Variants in SGCD observed in about 807,000 individuals in gnomAD.
The protein encoded by SGCD is delta-sarcoglycan.
A neutral mutation model predicts 36.6 loss-of-function variants in SGCD; 18 were observed. That is an observed-to-expected ratio of 0.49 (90% confidence interval 0.34 to 0.73). SGCD has a LOEUF of 0.73. Ranked by LOEUF, SGCD falls within the 30% of genes least tolerant of loss-of-function variation. The pLI is 0.01. For synonymous variants in SGCD, 133 were observed against 130.6 expected, an observed-to-expected ratio of 1.02 and a Z score of -0.12; for missense variants, 387 against 346.7, an observed-to-expected ratio of 1.12 and a Z score of -0.92.
At chr5:156,554,046 G>T (rs561518958) in intron 4 of SGCD, among the ~76,000 whole-genome samples, 1 of 152,154 alleles carries the variant, frequency 6.6e-6, no homozygotes, top group South Asian at 2.1e-4. Context: ...CTGAAAACAA[G>T]TGAGTGCAGT....
chr5:156,344,758 G>C, intron 3 of SGCD, 81 bp downstream of exon 3: 1 of 1,136,906 alleles, frequency 8.8e-7, no homozygotes, highest in East Asian at 2.5e-5. Flanking sequence ...ATGTGGAAAA[G>C]TGATATTATT....
intron 3 of SGCD, among the ~76,000 whole-genome samples, chr5:156,438,408 GAA>G (rs1245974764): frequency 1.3e-5 from 2 of 152,114 alleles, no homozygotes; most frequent in African/African-American, 2.4e-5. Flanking sequence ...GCAAGGGAGG[GAA>G]GCCAATGGGA....
chr5:156,452,012 G>C (rs1452685792), intron 3 of SGCD, among the ~76,000 whole-genome samples: 3 of 152,134 alleles, frequency 2.0e-5, no homozygotes, highest in Admixed American at 6.5e-5. Context: ...GCAGAGAGAA[G>C]CTACTTCCCT....
the SGCD span, among the ~76,000 whole-genome samples, chr5:155,849,250 T>C: frequency 6.6e-6 from 1 of 152,192 alleles, no homozygotes; most frequent in East Asian, 1.9e-4. Context: ...TCGTTCTCTC[T>C]CTTTCTCTCT....
At chr5:155,979,550 G>T (rs1032580132) in intron 1 of SGCD, among the ~76,000 whole-genome samples, 6 of 152,212 alleles carry the variant, frequency 3.9e-5, no homozygotes, top group Non-Finnish European at 8.8e-5. Context: ...GAGAGGTTGG[G>T]CTGGGATGCA....
intron 7 of SGCD, among the ~76,000 whole-genome samples, chr5:156,744,415 A>G (rs984252048): frequency 1.3e-5 from 2 of 152,150 alleles, no homozygotes; most frequent in South Asian, 2.1e-4. Context: ...GCTCCCACCA[A>G]TTTTCTTCTA....
chr5:155,728,855 G>T, the SGCD span, among the ~76,000 whole-genome samples: 1 of 152,216 alleles, frequency 6.6e-6, no homozygotes, highest in Non-Finnish European at 1.5e-5. Flanking sequence ...GGGATCGACT[G>T]CCCTCAGCTG....
intron 3 of SGCD, among the ~76,000 whole-genome samples, chr5:156,364,553 T>C (rs928596484): frequency 2.6e-5 from 4 of 152,184 alleles, no homozygotes; most frequent in African/African-American, 9.7e-5. Flanking sequence ...AAAGGAGAAA[T>C]CCAGTATGTG....
the SGCD span, among the ~76,000 whole-genome samples, chr5:155,826,422 C>G: frequency 6.6e-6 from 1 of 152,194 alleles, no homozygotes. Context: ...CTGTGATGGT[C>G]TACAAGACCT....
intron 7 of SGCD, among the ~76,000 whole-genome samples, chr5:156,685,608 G>T (rs1047144825): frequency 5.3e-5 from 8 of 152,158 alleles, no homozygotes; most frequent in African/African-American, 1.9e-4. Context: ...GCTTGCTTAT[G>T]TGCTGCCTTG....
intron 3 of SGCD, among the ~76,000 whole-genome samples, chr5:156,366,550 G>C (rs764206548): frequency 6.6e-6 from 1 of 152,118 alleles, no homozygotes; most frequent in African/African-American, 2.4e-5. Context: ...GAGGTGCTTT[G>C]CAGAAGAAAA....
At chr5:155,914,724 C>T (rs1203490629) in intron 1 of SGCD, among the ~76,000 whole-genome samples, 1 of 152,082 alleles carries the variant, frequency 6.6e-6, no homozygotes, top group Non-Finnish European at 1.5e-5. Flanking sequence ...CATGACAATT[C>T]CTTTTATTGG....
At chr5:156,072,402 C>T (rs1760605958) in intron 1 of SGCD, among the ~76,000 whole-genome samples, 1 of 151,994 alleles carries the variant, frequency 6.6e-6, no homozygotes, top group Non-Finnish European at 1.5e-5. Context: ...CTTAATTTGG[C>T]TGGATATGAA....
chr5:155,740,213 C>G, the SGCD span, among the ~76,000 whole-genome samples: 1 of 152,208 alleles, frequency 6.6e-6, no homozygotes, highest in African/African-American at 2.4e-5. Flanking sequence ...ATCCTCCTGC[C>G]TCAGCCTCCT....
the SGCD span, among the ~76,000 whole-genome samples, chr5:155,762,293 A>C: frequency 1.2e-4 from 19 of 152,308 alleles, no homozygotes; most frequent in African/African-American, 4.3e-4. Flanking sequence ...TAGGTTATCT[A>C]TCTGAAAAAA....
chr5:156,528,287 G>C (rs895447194), intron 4 of SGCD, among the ~76,000 whole-genome samples: 3 of 152,166 alleles, frequency 2.0e-5, no homozygotes, highest in Non-Finnish European at 4.4e-5. Flanking sequence ...AGATTATTAT[G>C]GGATTATAAG....
At chr5:156,570,206 T>C (rs1759662077) in intron 4 of SGCD, among the ~76,000 whole-genome samples, 1 of 152,210 alleles carries the variant, frequency 6.6e-6, no homozygotes, top group Non-Finnish European at 1.5e-5. Flanking sequence ...AGAAAATGTA[T>C]TCTGTGTGGC....
intron 3 of SGCD, among the ~76,000 whole-genome samples, chr5:156,165,371 G>T (rs1271389467): frequency 6.6e-6 from 1 of 152,096 alleles, no homozygotes; most frequent in African/African-American, 2.4e-5. Flanking sequence ...AAAGTAAAAA[G>T]GTCTAAGAGA....
chr5:156,170,050 G>T (rs1010038249), intron 3 of SGCD, among the ~76,000 whole-genome samples: 3 of 152,198 alleles, frequency 2.0e-5, no homozygotes, highest in African/African-American at 7.2e-5. Flanking sequence ...CCTGAGGGTT[G>T]GATTGCAAGG....
Sources: allele counts gnomAD v4.1 joint callset (sites outside exome capture counted in the v4.1 genomes callset), GRCh38; gene constraint gnomAD v4.1.1; transcripts MANE v1.5; gene names NCBI Gene and HGNC (gene_info 2026-07-23, HGNC 2026-07-21).